The following EIF4G3 variants were observed in gnomAD, a reference collection of about 807,000 sequenced individuals.
EIF4G3 encodes eukaryotic translation initiation factor 4 gamma 3.
In EIF4G3, 34 loss-of-function variants were observed where a neutral mutation model predicts 186.4. The ratio of observed to expected loss-of-function variants is 0.18; its 90% CI spans 0.14 to 0.24. The LOEUF is 0.24. EIF4G3 is among the 10% of genes least tolerant of loss of function. EIF4G3 has a pLI of 1.00. For synonymous variants in EIF4G3, 673 were observed against 679.5 expected, an observed-to-expected ratio of 0.99 and a Z score of 0.15; for missense variants, 1,536 against 1,948.5, an observed-to-expected ratio of 0.79 and a Z score of 3.99.
chr1:21,031,103 T>C (rs935681653), intron 4 of EIF4G3, among the ~76,000 whole-genome samples: 15 of 152,028 alleles, frequency 9.9e-5, no homozygotes, highest in Middle Eastern at 3.4e-3. Flanking sequence ...GGAGAATCAC[T>C]TGAACCCAGG....
chr1:20,963,568 C>T (rs10916911), intron 12 of EIF4G3, among the ~76,000 whole-genome samples: 65,568 of 151,870 alleles, frequency 0.43, 14,536 homozygotes, highest in Non-Finnish European at 0.47. Flanking sequence ...TCTCCCATGT[C>T]ATAACTGTGT....
chr1:21,168,086 T>C (rs1259723584), intron 2 of EIF4G3: 2 of 470,002 alleles, frequency 4.3e-6, no homozygotes, highest in Admixed American at 4.7e-5. Flanking sequence ...ATATTTCAAG[T>C]AGATACAGAA....
chr1:20,850,912 TCA>T (rs1308958350), intron 28 of EIF4G3, among the ~76,000 whole-genome samples: 3 of 151,734 alleles, frequency 2.0e-5, no homozygotes, highest in East Asian at 3.9e-4. Context: ...ATGAGAATTT[TCA>T]CACATTTGAG....
intron 13 of EIF4G3, among the ~76,000 whole-genome samples, chr1:20,949,101 A>C (rs1558391115): frequency 6.6e-6 from 1 of 152,084 alleles, no homozygotes; most frequent in Non-Finnish European, 1.5e-5. Context: ...TTCCATATTG[A>C]TATCCAATCA....
intron 26 of EIF4G3, among the ~76,000 whole-genome samples, chr1:20,854,473 C>G (rs1334747212): frequency 1.3e-5 from 2 of 150,400 alleles, no homozygotes; most frequent in Non-Finnish European, 3.0e-5. Context: ...GTGGGAGGAT[C>G]ACTGCAGCCC....
intron 30 of EIF4G3, among the ~76,000 whole-genome samples, chr1:20,830,857 A>AT (rs3835562): frequency 1.5e-4 from 23 of 151,502 alleles, no homozygotes; most frequent in East Asian, 3.9e-4. Context: ...TAAGAAGCTT[A>AT]TTTTTTTTTC....
intron 13 of EIF4G3, among the ~76,000 whole-genome samples, chr1:20,947,671 G>A (rs1013614172): frequency 1.3e-5 from 2 of 152,150 alleles, no homozygotes; most frequent in Non-Finnish European, 2.9e-5. Flanking sequence ...CTGGTGAATA[G>A]TTGGTACTAA....
At chr1:21,015,772 A>AC (rs61039867) in intron 4 of EIF4G3, among the ~76,000 whole-genome samples, 1 of 150,644 alleles carries the variant, frequency 6.6e-6, no homozygotes, top group Non-Finnish European at 1.5e-5. Context: ...AAAAAAAAAA[A>AC]CCCTATCACA....
At chr1:21,097,852 TC>T (rs1360388514) in intron 2 of EIF4G3, among the ~76,000 whole-genome samples, 2 of 150,998 alleles carry the variant, frequency 1.3e-5, no homozygotes, top group African/African-American at 4.9e-5. Context: ...AAACTATGAA[TC>T]TTTTAGAAGA....
intron 14 of EIF4G3, among the ~76,000 whole-genome samples, chr1:20,914,088 A>G (rs945181046): frequency 5.3e-5 from 8 of 150,472 alleles, no homozygotes; most frequent in Non-Finnish European, 5.9e-5. Flanking sequence ...GATTACAGGC[A>G]TGAGCCACCA....
intron 2 of EIF4G3, among the ~76,000 whole-genome samples, chr1:21,174,914 C>G (rs2098071608): frequency 6.6e-6 from 1 of 152,106 alleles, no homozygotes; most frequent in Non-Finnish European, 1.5e-5. Flanking sequence ...TGACACTTGG[C>G]AGAAAACAAA....
At chr1:20,814,582 A>G (rs1301563484) in intron 34 of EIF4G3, among the ~76,000 whole-genome samples, 1 of 152,102 alleles carries the variant, frequency 6.6e-6, no homozygotes, top group Non-Finnish European at 1.5e-5. Context: ...GCATGTAACT[A>G]TTTTTACATG....
intron 12 of EIF4G3, among the ~76,000 whole-genome samples, chr1:20,962,764 TGTCACAGG>T (rs778418962): frequency 4.6e-5 from 7 of 152,218 alleles, no homozygotes; most frequent in Non-Finnish European, 7.3e-5. Flanking sequence ...AGATGATTAG[TGTCACAGG>T]GTATTTTAAG....
At chr1:20,908,265 A>T (rs2092606451) in intron 14 of EIF4G3, among the ~76,000 whole-genome samples, 1 of 151,876 alleles carries the variant, frequency 6.6e-6, no homozygotes, top group African/African-American at 2.4e-5. Flanking sequence ...AATTTGTTTG[A>T]GTTCATTGTA....
At position 21,064,904 on chromosome 1, in the gene EIF4G3, C is replaced by T. The variant is rs181981705; in HGVS notation, c.-195-13910G>A. 7.9e-4 allele frequency: 120 copies of T among 152,256 alleles called. 1 individual carries two copies. Among genetic ancestry groups the T allele is most frequent in the African/African-American group, 2.5e-3 (106 of 41,570 alleles). 9.4% of individuals were successfully genotyped at this position (152,256 alleles called of 1,614,324 possible). A position where few individuals can be genotyped will look rare whatever the true frequency, so the allele number is the denominator to read the frequency against. The stretch of plus-strand genomic sequence containing the variant: ...GGCTTTTAACAGACACTCACATTCT[C>T]TTTCTTATGTTCAAAATCCATAGTC... On this transcript the variant is annotated intron_variant, in intron 3 of 36. Transcript: ENST00000602326.
chr1:20,839,455 G>A (rs1056743167), intron 30 of EIF4G3, among the ~76,000 whole-genome samples: 7 of 152,112 alleles, frequency 4.6e-5, no homozygotes, highest in African/African-American at 1.7e-4. Flanking sequence ...AATTTTCTAG[G>A]ACCTAGAAGA....
chr1:20,821,511 G>C (rs2062342371), intron 33 of EIF4G3, among the ~76,000 whole-genome samples: 2 of 152,114 alleles, frequency 1.3e-5, no homozygotes, highest in African/African-American at 2.4e-5. Flanking sequence ...TTCAATAGTT[G>C]TGTCAGTGGA....
In EIF4G3 at chr1:20,851,370, C is replaced by T. The variant is rs768824928; in HGVS notation, c.3660G>A (p.Gln1220=). ...GGSSKDLLDN[Q]SQEEQRREML... Reference sequence around the variant, plus strand: ...TCTCTCTCCGCTGCTCTTCTTGAGACTGATTGTCTAGCAGGTCTTTACTGC... The same window carrying T: ...TCTCTCTCCGCTGCTCTTCTTGAGATTGATTGTCTAGCAGGTCTTTACTGC... Residue 1220 remains glutamine (Q), a synonymous_variant, in exon 28 of 37, where the codon CAG becomes CAA. Transcript: ENST00000602326. 2 of 1,614,168 alleles carry T rather than the reference C, an allele frequency of 1.2e-6. No homozygotes were observed. The highest frequency in any genetic ancestry group is 3.3e-5 in the Admixed American group (2 of 60,020).
At chr1:21,103,895 G>A (rs184167206) in intron 2 of EIF4G3, among the ~76,000 whole-genome samples, 105 of 152,206 alleles carry the variant, frequency 6.9e-4, no homozygotes, top group African/African-American at 2.0e-3. Flanking sequence ...TTCTGTGTTC[G>A]TATAGCAGTT....
Sources: allele counts gnomAD v4.1 joint callset (sites outside exome capture counted in the v4.1 genomes callset), GRCh38; gene constraint gnomAD v4.1.1; transcripts MANE v1.5; gene names NCBI Gene and HGNC (gene_info 2026-07-23, HGNC 2026-07-21).